The following NR2C2 variants were observed in gnomAD, a reference collection of about 807,000 sequenced individuals.
NR2C2 encodes Nuclear hormone receptor TR4.
In NR2C2, 6 loss-of-function variants were observed where a neutral mutation model predicts 62.9. The ratio of observed to expected loss-of-function variants is 0.10; its 90% CI spans 0.05 to 0.19. The LOEUF is 0.19. Among genes scored for constraint, NR2C2 ranks in the 10% least tolerant of loss-of-function variants. The pLI is 1.00. For missense variants in NR2C2, 479 were observed against 762.7 expected, an observed-to-expected ratio of 0.63 and a Z score of 4.38; for synonymous variants, 272 against 273.8, an observed-to-expected ratio of 0.99 and a Z score of 0.07.
rs1037893451 is a variant in NR2C2 at position 15,045,390 on chromosome 3, T to TG, written c.*2384dup. On this transcript the variant is annotated 3_prime_UTR_variant, in exon 14 of 14. Transcript: ENST00000425241. ...GGCTGGATAAGGAAGTGTTGGGCTGTGGTGAAACAACCTTGCAGAAAACGT... is the reference window on the plus strand; with the variant it reads ...GGCTGGATAAGGAAGTGTTGGGCTGTGGGTGAAACAACCTTGCAGAAAACGT... The TG allele has an allele frequency of 3.4e-4, 52 of 152,838 alleles. No homozygotes were observed. The highest frequency in any genetic ancestry group is 1.2e-3 in the African/African-American group (50 of 41,590). 9.5% of individuals were successfully genotyped at this position (152,838 alleles called of 1,614,324 possible). A position where few individuals can be genotyped will look rare whatever the true frequency, so the allele number is the denominator to read the frequency against.
intron 1 of NR2C2, among the ~76,000 whole-genome samples, chr3:14,991,467 AG>A (rs1029583797): frequency 1.3e-5 from 2 of 152,210 alleles, no homozygotes; most frequent in African/African-American, 4.8e-5. Context: ...TTTCAGTTCA[AG>A]CTGGAGGTGT....
chr3:15,030,547 GC>G, intron 9 of NR2C2, 95 bp downstream of exon 9: 1 of 1,311,888 alleles, frequency 7.6e-7, no homozygotes, highest in Non-Finnish European at 1.0e-6. Context: ...AAACCTTGGG[GC>G]CAGGCATAGT....
chr3:14,991,749 CT>C lies in NR2C2; in HGVS notation c.-39-12115del, dbSNP rs869094168. ...TTTTCTCTTTTTTAATCCCTTTTTT[CT>C]TTTTTTTTTTTCTTTTTCTTTTTTT... is the stretch of plus-strand genomic sequence containing the variant. On this transcript the variant is annotated intron_variant, in intron 1 of 13. Transcript: ENST00000425241. 8.4e-3 allele frequency among the ~76,000 whole-genome samples: 1,113 copies of C among 132,106 alleles called. 8 individuals are homozygous for C. Among genetic ancestry groups the C allele is most frequent in the African/African-American group, 0.026 (950 of 35,914 alleles). The allele number at this position is 132,106 out of a possible 152,430, so 86.7% of individuals were successfully genotyped here. A position where few individuals can be genotyped will look rare whatever the true frequency, so the allele number is the denominator to read the frequency against.
At chr3:15,021,612 G>T (rs574077615) in intron 5 of NR2C2, among the ~76,000 whole-genome samples, 55 of 152,186 alleles carry the variant, frequency 3.6e-4, no homozygotes, top group Admixed American at 9.8e-4. Context: ...GAAATCCAAG[G>T]AGAGTGGAGT....
At chr3:14,979,835 A>G (rs2040313415) in intron 1 of NR2C2, among the ~76,000 whole-genome samples, 1 of 152,094 alleles carries the variant, frequency 6.6e-6, no homozygotes, top group African/African-American at 2.4e-5. Context: ...AAGAGTTTGT[A>G]TTTTATTTCA....
rs752660065 is a variant in NR2C2, at chr3:15,016,157, C to T, written c.279C>T (p.Val93=). 1.2e-6 allele frequency: 2 copies of T among 1,613,410 alleles called. No individual in the cohort carries two copies. The highest frequency in any genetic ancestry group is 8.5e-7 in the Non-Finnish European group (1 of 1,179,404). ...DNLVPGRIQI[V]TDSASVERLL... is the part of the protein sequence containing the mutation. ...CGTTTCCTGATTTCTCTCAGATTGT[C>T]ACGGATTCTGCCTCTGTGGAGCGTT... Residue 93 remains valine, a synonymous_variant, in exon 4 of 14, where the codon GTC becomes GTT. Coordinates refer to ENST00000425241, the MANE Select transcript of NR2C2 (RefSeq NM_001291694.2).
intron 1 of NR2C2, among the ~76,000 whole-genome samples, chr3:15,001,707 A>G (rs1433459899): frequency 1.3e-5 from 2 of 152,054 alleles, no homozygotes; most frequent in African/African-American, 4.8e-5. Flanking sequence ...ACCTAGAACA[A>G]CTGGGCTCAA....
At position 15,001,461 on chromosome 3, in the gene NR2C2, A is replaced by G. The variant is rs561915187; in HGVS notation, c.-39-2415A>G. Among the ~76,000 whole-genome samples, 12 of 151,010 alleles carry G rather than the reference A, an allele frequency of 7.9e-5. No individual in the cohort carries two copies. In the Middle Eastern group the frequency reaches 0.01, roughly 129 times the overall value. ...GCAATTCTCCTGTCTCAGCCTCCTGAGTAGCTGGGATTACAGGCCCCGCCA... is the reference window on the plus strand; with the variant it reads ...GCAATTCTCCTGTCTCAGCCTCCTGGGTAGCTGGGATTACAGGCCCCGCCA... On this transcript the variant is annotated intron_variant, in intron 1 of 13. Transcript: ENST00000425241.
chr3:15,040,498 C>T (rs1025596301), intron 13 of NR2C2, among the ~76,000 whole-genome samples: 15 of 152,210 alleles, frequency 9.9e-5, no homozygotes, highest in Non-Finnish European at 2.2e-4. Context: ...ACACAGATGC[C>T]CCTGGGGGCT....
intron 1 of NR2C2, among the ~76,000 whole-genome samples, chr3:14,997,685 G>T (rs1232237902): frequency 1.3e-5 from 2 of 152,070 alleles, no homozygotes; most frequent in Admixed American, 6.6e-5. Context: ...ACTGGATTCT[G>T]TTGACTTCAT....
At position 15,044,178 on chromosome 3, in the gene NR2C2, T is replaced by A. The variant is rs1019070687; in HGVS notation, c.*1170T>A. On this transcript the variant is annotated 3_prime_UTR_variant, in exon 14 of 14. Transcript: ENST00000425241. ...CCGCCTGGCGAGAGTGGTTAGGGCC[T>A]GGTAAAGCTGGATGGAAGGTTTCAG... The A allele has an allele frequency of 6.6e-5, 10 of 152,198 alleles. No individual in the cohort carries two copies. Among genetic ancestry groups the A allele is most frequent in the Non-Finnish European group, 1.3e-4 (9 of 68,058 alleles). 9.4% of individuals were successfully genotyped at this position (152,198 alleles called of 1,614,324 possible). A position where few individuals can be genotyped will look rare whatever the true frequency, so the allele number is the denominator to read the frequency against.
intron 1 of NR2C2, among the ~76,000 whole-genome samples, chr3:14,972,699 A>ATT (rs1217032915): frequency 1.3e-5 from 2 of 152,098 alleles, no homozygotes; most frequent in Non-Finnish European, 1.5e-5. Context: ...GAGAGGTTTA[A>ATT]TTGGCTCACG....
chr3:15,004,765 T>C, intron 2 of NR2C2: 1 of 890,262 alleles, frequency 1.1e-6, no homozygotes, highest in South Asian at 2.0e-5. Flanking sequence ...TCAGTTTTTT[T>C]GGCTCACTTT....
chr3:14,990,541 T>G (rs2040640094), intron 1 of NR2C2, among the ~76,000 whole-genome samples: 1 of 152,114 alleles, frequency 6.6e-6, no homozygotes, highest in South Asian at 2.1e-4. Context: ...CTGGTTTGGG[T>G]GAATGGAATC....
chr3:14,980,423 A>T (rs115579872), intron 1 of NR2C2, among the ~76,000 whole-genome samples: 1 of 152,126 alleles, frequency 6.6e-6, no homozygotes, highest in Non-Finnish European at 1.5e-5. Flanking sequence ...TCGGCCTCCC[A>T]AAGTGTTAGG....
Position 14,971,148 on chromosome 3 carries a change from T to C in NR2C2, c.-40+23242T>C, listed in dbSNP as rs547911792. Among the ~76,000 whole-genome samples the C allele has an allele frequency of 2.0e-5, 3 of 152,282 alleles. No homozygotes were observed. The South Asian group carries it at 6.2e-4, about 32-fold the overall frequency. On this transcript the variant is annotated intron_variant, in intron 1 of 13. Coordinates refer to ENST00000425241, the MANE Select transcript of NR2C2 (RefSeq NM_001291694.2). Reference sequence around the variant, plus strand: ...TTTTTTATTTTTTTGAGGCAGAGTCTTGCTCTGCGCCCAGGCTGGAGTGCA... The same window carrying C: ...TTTTTTATTTTTTTGAGGCAGAGTCCTGCTCTGCGCCCAGGCTGGAGTGCA...
chr3:14,959,928 G>C (rs1057065939), intron 1 of NR2C2, among the ~76,000 whole-genome samples: 3 of 152,164 alleles, frequency 2.0e-5, no homozygotes, highest in Non-Finnish European at 4.4e-5. Flanking sequence ...GAAAAGGATA[G>C]ATTTTCCCCA....
intron 1 of NR2C2, among the ~76,000 whole-genome samples, chr3:14,981,967 G>C (rs1007847307): frequency 3.9e-5 from 6 of 152,156 alleles, no homozygotes; most frequent in African/African-American, 1.4e-4. Flanking sequence ...TTCTCAGATT[G>C]AGGGTGGGTC....
intron 3 of NR2C2, among the ~76,000 whole-genome samples, chr3:15,015,511 T>A (rs1400133141): frequency 1.3e-5 from 2 of 152,214 alleles, no homozygotes; most frequent in African/African-American, 4.8e-5. Context: ...TACATTCAAG[T>A]TGTTACGGGA....
Sources: gnomAD v4.1 joint callset for allele counts (sites outside exome capture counted in the v4.1 genomes callset) on GRCh38, gnomAD v4.1.1 for gene constraint, MANE v1.5 for transcripts, NCBI Gene and HGNC (gene_info 2026-07-23, HGNC 2026-07-21) for gene names.